Variants in SYNPR observed in about 807,000 individuals in gnomAD.
SYNPR encodes synaptoporin.
In SYNPR, 23 loss-of-function variants were observed where a neutral mutation model predicts 32.9. That is an observed-to-expected ratio of 0.70 (90% CI 0.50 to 0.99). SYNPR has a LOEUF of 0.99. SYNPR is among the 50% of genes least tolerant of loss of function. The pLI, the probability that SYNPR is intolerant of heterozygous loss-of-function variation, is 0.00. For synonymous variants in SYNPR, 146 were observed against 135.9 expected (o/e 1.07, Z -0.52); for missense variants, 318 against 349.3 (o/e 0.91, Z 0.71).
chr3:63,389,500 C>G (rs2088104267), intron 2 of SYNPR, among the ~76,000 whole-genome samples: 1 of 152,202 alleles, frequency 6.6e-6, no homozygotes, highest in Admixed American at 6.5e-5. Flanking sequence ...GAGACTGATA[C>G]TCTTTGGTTT....
At chr3:63,230,803 C>T (rs1272693498) in intron 1 of SYNPR, among the ~76,000 whole-genome samples, 1 of 152,144 alleles carries the variant, frequency 6.6e-6, no homozygotes, top group East Asian at 1.9e-4. Flanking sequence ...GGATAAATCT[C>T]TTATCTCAGT....
At chr3:63,388,699 A>T (rs184962998) in intron 2 of SYNPR, among the ~76,000 whole-genome samples, 154 of 151,970 alleles carry the variant, frequency 1.0e-3, no homozygotes, top group Non-Finnish European at 1.2e-4. Context: ...AACGCCTGGG[A>T]TTATAGGCGT....
At chr3:63,226,580 TTAAG>T (rs1169744678), upstream of SYNPR, among the ~76,000 whole-genome samples, 2 of 152,122 alleles carry the variant, frequency 1.3e-5, no homozygotes, top group African/African-American at 4.8e-5. Context: ...GGTCATTATA[TTAAG>T]TGAGACAAGC....
At chr3:63,417,243 T>A (rs1163476733) in intron 2 of SYNPR, among the ~76,000 whole-genome samples, 1 of 152,194 alleles carries the variant, frequency 6.6e-6, no homozygotes, top group African/African-American at 2.4e-5. Flanking sequence ...AGCAGGGCAG[T>A]AAAATCTTAA....
chr3:63,230,290 C>T (rs1238861997), intron 1 of SYNPR, among the ~76,000 whole-genome samples: 1 of 152,094 alleles, frequency 6.6e-6, no homozygotes, highest in Non-Finnish European at 1.5e-5. Context: ...TAGATATTTG[C>T]TATTTATTCT....
At chr3:63,529,620 G>T (rs1319979169) in intron 3 of SYNPR, among the ~76,000 whole-genome samples, 1 of 152,184 alleles carries the variant, frequency 6.6e-6, no homozygotes, top group Non-Finnish European at 1.5e-5. Context: ...GAAATCCATA[G>T]AAGTTGATGT....
At chr3:63,469,716 A>G (rs984640415) in intron 2 of SYNPR, among the ~76,000 whole-genome samples, 3 of 152,212 alleles carry the variant, frequency 2.0e-5, no homozygotes, top group South Asian at 2.1e-4. Context: ...GATTGATGCT[A>G]TACTTTAGCC....
intron 2 of SYNPR, among the ~76,000 whole-genome samples, chr3:63,406,031 C>T (rs1329060105): frequency 3.3e-5 from 5 of 152,018 alleles, no homozygotes; most frequent in African/African-American, 1.2e-4. Flanking sequence ...CATCGAGGAT[C>T]AGAGAGGTTC....
intron 4 of SYNPR, chr3:63,561,578 T>G (rs2106834361): frequency 6.6e-6 from 1 of 150,548 alleles, no homozygotes; most frequent in African/African-American, 2.4e-5. Context: ...CTAGGCTCTT[T>G]TGCTCATTTG....
intron 2 of SYNPR, among the ~76,000 whole-genome samples, chr3:63,453,254 G>A (rs1034405187): frequency 6.6e-6 from 1 of 152,038 alleles, no homozygotes; most frequent in African/African-American, 2.4e-5. Flanking sequence ...CCTTTTCAGT[G>A]GAAATGACCT....
In SYNPR at chr3:63,609,215, G is replaced by T. The variant is rs368974537; in HGVS notation, c.499G>T (p.Asp167Tyr). 66 of 1,609,826 alleles carry T rather than the reference G, an allele frequency of 4.1e-5. No homozygotes were observed. In the African/African-American group the frequency reaches 8.3e-4, roughly 20 times the overall value. The change falls in exon 5 of 6, where the codon GAT (aspartate) becomes TAT (tyrosine). Residue 167 changes from aspartate to tyrosine, a missense_variant. By Grantham distance (160) the Asp-to-Tyr change is radical. Coordinates refer to ENST00000478300, the MANE Select transcript of SYNPR (RefSeq NM_001130003.2). Reference protein sequence around the residue: ...KGLSDVKVATDPKEVLLLMSA... With the variant: ...KGLSDVKVATYPKEVLLLMSA... Reference sequence around the variant, plus strand: ...ACTGTCTGACGTCAAAGTTGCAACGGATCCCAAGGAAGTATTGCTACTAAT... The same window carrying T: ...ACTGTCTGACGTCAAAGTTGCAACGTATCCCAAGGAAGTATTGCTACTAAT...
At chr3:63,558,967 T>A (rs913908885) in intron 4 of SYNPR, among the ~76,000 whole-genome samples, 1 of 152,068 alleles carries the variant, frequency 6.6e-6, no homozygotes. Flanking sequence ...AACTTGTTAA[T>A]TATAAGATAA....
intron 2 of SYNPR, among the ~76,000 whole-genome samples, chr3:63,418,945 G>A (rs1013948899): frequency 1.3e-5 from 2 of 152,088 alleles, no homozygotes; most frequent in Admixed American, 1.3e-4. Flanking sequence ...TAGAATATTT[G>A]GTTTAATAGA....
intron 3 of SYNPR, among the ~76,000 whole-genome samples, chr3:63,548,986 T>C (rs1261575168): frequency 6.6e-6 from 1 of 152,234 alleles, no homozygotes; most frequent in Admixed American, 6.5e-5. Context: ...TACCTAAAGA[T>C]AAATCTGTGC....
chr3:63,614,231 T>C (rs1207296681), intron 5 of SYNPR, among the ~76,000 whole-genome samples: 1 of 152,236 alleles, frequency 6.6e-6, no homozygotes, highest in Non-Finnish European at 1.5e-5. Flanking sequence ...GTTATACTAC[T>C]GTTACCTGTC....
At chr3:63,257,711 C>T (rs1424006950) in intron 2 of SYNPR, among the ~76,000 whole-genome samples, 1 of 151,806 alleles carries the variant, frequency 6.6e-6, no homozygotes. Context: ...CAAATTCACA[C>T]ATAACAATAT....
chr3:63,434,213 G>GT (rs1269695158), intron 2 of SYNPR, among the ~76,000 whole-genome samples: 21 of 152,180 alleles, frequency 1.4e-4, no homozygotes, highest in South Asian at 4.2e-4. Flanking sequence ...GTTTAACAGG[G>GT]TTTTTTTAAC....
At chr3:63,372,029 C>A (rs1338626026) in intron 2 of SYNPR, among the ~76,000 whole-genome samples, 2 of 152,112 alleles carry the variant, frequency 1.3e-5, no homozygotes, top group African/African-American at 4.8e-5. Flanking sequence ...GGCTTGGGAC[C>A]ACAGAACAGC....
At chr3:63,301,617 A>G (rs1285045936) in intron 2 of SYNPR, among the ~76,000 whole-genome samples, 1 of 151,850 alleles carries the variant, frequency 6.6e-6, no homozygotes, top group Non-Finnish European at 1.5e-5. Flanking sequence ...CAAAAGTAAA[A>G]GTATGAATCT....
Sources: allele counts gnomAD v4.1 joint callset (sites outside exome capture counted in the v4.1 genomes callset), GRCh38; gene constraint gnomAD v4.1.1; transcripts MANE v1.5; gene names NCBI Gene and HGNC (gene_info 2026-07-23, HGNC 2026-07-21).